FBXL17: variants seen among roughly 807,000 people sequenced by gnomAD.
The protein encoded by FBXL17 is F-box and leucine rich repeat protein 17.
In FBXL17, 22 loss-of-function variants were observed where a neutral mutation model predicts 66.2. The ratio of observed to expected loss-of-function variants is 0.33; its 90% CI spans 0.24 to 0.47. The LOEUF is 0.47. Among genes scored for constraint, FBXL17 ranks in the 20% least tolerant of loss-of-function variants. The pLI is 1.00. For missense variants in FBXL17, 878 were observed against 948.2 expected (o/e 0.93, Z 0.97); for synonymous variants, 474 against 400.5 (o/e 1.18, Z -2.19).
intron 4 of FBXL17, among the ~76,000 whole-genome samples, chr5:108,287,634 C>CA (rs1423464417): frequency 1.3e-5 from 2 of 151,752 alleles, no homozygotes; most frequent in Non-Finnish European, 2.9e-5. Context: ...GGTGAGGCTG[C>CA]AGACAAAGGG....
At chr5:108,134,824 T>C (rs532790944) in intron 6 of FBXL17, among the ~76,000 whole-genome samples, 31 of 152,316 alleles carry the variant, frequency 2.0e-4, no homozygotes, top group African/African-American at 7.5e-4. Context: ...AATCCTCAGA[T>C]GAAGATGCTT....
intron 6 of FBXL17, among the ~76,000 whole-genome samples, chr5:108,048,608 C>T (rs146842666): frequency 2.6e-5 from 4 of 152,228 alleles, no homozygotes; most frequent in East Asian, 3.9e-4. Context: ...TAAATAGAAA[C>T]ATAAATGACC....
At chr5:108,354,787 CT>C (rs1220163556) in intron 3 of FBXL17, among the ~76,000 whole-genome samples, 1 of 149,638 alleles carries the variant, frequency 6.7e-6, no homozygotes, top group Non-Finnish European at 1.5e-5. Flanking sequence ...ATAAAAACAC[CT>C]TACCTACAGA....
intron 8 of FBXL17, among the ~76,000 whole-genome samples, chr5:107,865,837 T>C (rs1748255633): frequency 6.6e-6 from 1 of 152,194 alleles, no homozygotes; most frequent in South Asian, 2.1e-4. Context: ...TACAGTTATG[T>C]TCATTTACTC....
intron 4 of FBXL17, among the ~76,000 whole-genome samples, chr5:108,260,569 A>C (rs1011611631): frequency 8.5e-5 from 13 of 152,162 alleles, no homozygotes; most frequent in Admixed American, 8.5e-4. Context: ...CAAGGAGGGA[A>C]GAAGAGAACG....
chr5:108,080,745 G>A (rs1382280004), intron 6 of FBXL17, among the ~76,000 whole-genome samples: 1 of 152,148 alleles, frequency 6.6e-6, no homozygotes, highest in Non-Finnish European at 1.5e-5. Context: ...ATTGGCAATT[G>A]GTTGAAGGAG....
At chr5:108,277,783 A>C (rs1156910211) in intron 4 of FBXL17, among the ~76,000 whole-genome samples, 1 of 152,246 alleles carries the variant, frequency 6.6e-6, no homozygotes, top group Non-Finnish European at 1.5e-5. Context: ...AAAGCAAGTC[A>C]CATGAATTTT....
Position 108,017,049 on chromosome 5 carries a change from G to T in FBXL17, c.1822+3876C>A, listed in dbSNP as rs147028725. ...CTACCTCGGCCTCCCAAAGTGCTGGGATTACAGGGATGAGCCACTATGCCT... is the reference window on the plus strand; with the variant it reads ...CTACCTCGGCCTCCCAAAGTGCTGGTATTACAGGGATGAGCCACTATGCCT... On this transcript the variant is annotated intron_variant, in intron 7 of 8. Coordinates refer to ENST00000542267, the MANE Select transcript of FBXL17 (RefSeq NM_001163315.3). Among the ~76,000 whole-genome samples, 838 of 152,220 alleles carry T rather than the reference G, an allele frequency of 5.5e-3. 6 individuals are homozygous for T. The highest frequency in any genetic ancestry group is 0.019 in the African/African-American group (804 of 41,532).
intron 4 of FBXL17, among the ~76,000 whole-genome samples, chr5:108,311,769 G>A (rs1199395163): frequency 6.6e-6 from 1 of 152,138 alleles, no homozygotes; most frequent in Non-Finnish European, 1.5e-5. Context: ...CTTGTTAGTT[G>A]AAGAAGAAAG....
At position 107,974,521 on chromosome 5, in the gene FBXL17, TTCTTTCACCATTGCTGCAG is replaced by T. The variant is rs150672437; in HGVS notation, c.1822+46385_1822+46403del. 2.0e-3 allele frequency among the ~76,000 whole-genome samples: 297 copies of T among 152,276 alleles called. 2 individuals carry two copies. The highest frequency in any genetic ancestry group is 6.9e-3 in the African/African-American group (287 of 41,566). On this transcript the variant is annotated intron_variant, in intron 7 of 8. Transcript: ENST00000542267. ...CAGAGCAATTTCCATCAGACAATAT[TTCTTTCACCATTGCTGCAG>T]TCTCCAAAGGATCTAAATAACACAC... is the stretch of plus-strand genomic sequence containing the variant.
chr5:108,159,581 G>A (rs1372187136), intron 6 of FBXL17, among the ~76,000 whole-genome samples: 2 of 152,092 alleles, frequency 1.3e-5, no homozygotes, highest in Admixed American at 1.3e-4. Flanking sequence ...ACGAGGAAGT[G>A]GGCCCTCACC....
chr5:108,144,314 T>G (rs1362023610), intron 6 of FBXL17, among the ~76,000 whole-genome samples: 1 of 152,172 alleles, frequency 6.6e-6, no homozygotes, highest in Non-Finnish European at 1.5e-5. Context: ...CAAAATGATA[T>G]GATAAACGGT....
intron 7 of FBXL17, among the ~76,000 whole-genome samples, chr5:107,912,005 G>A (rs1035494443): frequency 6.6e-6 from 1 of 152,090 alleles, no homozygotes; most frequent in African/African-American, 2.4e-5. Flanking sequence ...AAATAAAAAG[G>A]TTTGATAATA....
intron 7 of FBXL17, among the ~76,000 whole-genome samples, chr5:107,993,086 G>T (rs188228459): frequency 6.6e-6 from 1 of 151,980 alleles, no homozygotes; most frequent in African/African-American, 2.4e-5. Context: ...TAGTAGAGAC[G>T]GGGTTTCACC....
intron 6 of FBXL17, among the ~76,000 whole-genome samples, chr5:108,101,738 T>C (rs1377212927): frequency 2.0e-5 from 3 of 152,226 alleles, no homozygotes; most frequent in African/African-American, 2.4e-5. Context: ...GGGAAAAGTA[T>C]TGGACAAAAA....
chr5:107,890,328 C>T (rs550704987), intron 7 of FBXL17, among the ~76,000 whole-genome samples: 8 of 151,188 alleles, frequency 5.3e-5, no homozygotes, highest in Admixed American at 2.6e-4. Context: ...CTGTAAAGAC[C>T]GAATGTCAGT....
chr5:108,355,427 C>T (rs893818382), intron 3 of FBXL17, among the ~76,000 whole-genome samples: 3 of 151,832 alleles, frequency 2.0e-5, no homozygotes, highest in African/African-American at 4.8e-5. Flanking sequence ...GAATTACAGC[C>T]GTGCGCCACC....
intron 4 of FBXL17, among the ~76,000 whole-genome samples, chr5:108,325,043 A>T (rs1317014179): frequency 6.6e-6 from 1 of 152,092 alleles, no homozygotes; most frequent in African/African-American, 2.4e-5. Flanking sequence ...CAGGAGCTGG[A>T]GGAAAAGCAG....
chr5:107,974,002 T>C (rs1474355435), intron 7 of FBXL17, among the ~76,000 whole-genome samples: 1 of 152,208 alleles, frequency 6.6e-6, no homozygotes, highest in Non-Finnish European at 1.5e-5. Flanking sequence ...TGTAAGTTAA[T>C]ACTTCATCAC....
Sources: allele counts gnomAD v4.1 joint callset (sites outside exome capture counted in the v4.1 genomes callset), GRCh38; gene constraint gnomAD v4.1.1; transcripts MANE v1.5; gene names NCBI Gene and HGNC (gene_info 2026-07-23, HGNC 2026-07-21).